The following NLRP1 variants were observed in gnomAD, a reference collection of about 807,000 sequenced individuals.
The protein encoded by NLRP1 is NLR family pyrin domain containing 1, also known as NACHT, LRR and PYD domains-containing protein 1.
NLRP1 carries 94 observed loss-of-function variants against 136.7 expected under a neutral mutation model. That is an observed-to-expected ratio of 0.69 (90% confidence interval 0.58 to 0.82). NLRP1 has a LOEUF of 0.82. Among genes scored for constraint, NLRP1 ranks in the 40% least tolerant of loss-of-function variants. NLRP1 has a pLI of 0.00. For missense variants in NLRP1, 1,575 were observed against 1,802.7 expected, an observed-to-expected ratio of 0.87 and a Z score of 2.29; for synonymous variants, 690 against 725.1, an observed-to-expected ratio of 0.95 and a Z score of 0.78.
chr17:5,501,729 A>G (rs200325551), exon 16 of NLRP1: 2 of 1,086,482 alleles, frequency 1.8e-6, no homozygotes, highest in Non-Finnish European at 2.8e-6. Flanking sequence ...CCCATTTCTC[A>G]GACCCACCTG....
intron 15 of NLRP1, among the ~76,000 whole-genome samples, chr17:5,507,122 G>T (rs1907383657): frequency 6.6e-6 from 1 of 151,964 alleles, no homozygotes; most frequent in South Asian, 2.1e-4. Context: ...TTATTTAATG[G>T]GTACATAATT....
chr17:5,526,926 C>T (rs1305109804), intron 12 of NLRP1, among the ~76,000 whole-genome samples: 1 of 152,232 alleles, frequency 6.6e-6, no homozygotes, highest in African/African-American at 2.4e-5. Flanking sequence ...TGACTCATCA[C>T]CCGTTCAGCG....
At chr17:5,524,434 A>G (rs1010757222) in intron 12 of NLRP1, among the ~76,000 whole-genome samples, 2 of 152,340 alleles carry the variant, frequency 1.3e-5, no homozygotes, top group East Asian at 1.9e-4. Context: ...TCACCATGAT[A>G]AATAGCACCT....
At chr17:5,553,960 A>G (rs1440438038) in intron 4 of NLRP1, among the ~76,000 whole-genome samples, 1 of 151,590 alleles carries the variant, frequency 6.6e-6, no homozygotes, top group African/African-American at 2.4e-5. Flanking sequence ...TGACAATTTT[A>G]ATTTAAAAAA....
intron 15 of NLRP1, among the ~76,000 whole-genome samples, chr17:5,517,374 G>A (rs1264042293): frequency 3.9e-5 from 2 of 50,858 alleles, no homozygotes; most frequent in African/African-American, 1.4e-4. Context: ...CACATACACA[G>A]ACTTTCTTCC....
At chr17:5,566,043 G>A (rs1347239407) in intron 3 of NLRP1, among the ~76,000 whole-genome samples, 1 of 152,014 alleles carries the variant, frequency 6.6e-6, no homozygotes, top group African/African-American at 2.4e-5. Context: ...TTTCATTTCT[G>A]ATTTTATTTA....
At chr17:5,509,750 C>G (rs937404569), downstream of NLRP1, among the ~76,000 whole-genome samples, 10 of 152,104 alleles carry the variant, frequency 6.6e-5, no homozygotes, top group African/African-American at 2.4e-4. Context: ...GGTGATTCAT[C>G]CGTCTCAGCC....
At position 5,553,412 on chromosome 17, in the gene NLRP1, G is replaced by A; in HGVS notation, c.2502C>T (p.Arg834=). Residue 834 remains arginine (R), a synonymous_variant, in exon 5 of 17, where the codon CGC becomes CGT. Coordinates refer to ENST00000572272, the MANE Select transcript of NLRP1 (RefSeq NM_033004.4). ...GCAGGGTCTCCAGGAGGCAGCGAGG[G>A]CGTCTCAGGGTCTTACAAAGACTCT... ...AVKSLCKTLR[R]PRCLLETLRL... 6.2e-7 allele frequency: 1 copy of A among 1,613,686 alleles called. No homozygotes were observed. The highest frequency in any genetic ancestry group is 8.5e-7 in the Non-Finnish European group (1 of 1,179,764).
rs201664446 is a variant in NLRP1 at position 5,583,179 on chromosome 17, A to ACAGCAG, written c.272-339_272-334dup. ...CCCAGGGTGGCTAATAGTAATAATA[A>ACAGCAG]CAGCAGCAGCAGCAGCAGCAACAAC... On this transcript the variant is annotated intron_variant, in intron 1 of 16. Coordinates refer to ENST00000572272, the MANE Select transcript of NLRP1 (RefSeq NM_033004.4). The surrounding 1 kb of genome is among the most constrained non-coding windows in gnomAD (Gnocchi z 4.5). 2.0e-5 allele frequency among the ~76,000 whole-genome samples: 3 copies of ACAGCAG among 152,030 alleles called. No homozygotes were observed. The highest frequency in any genetic ancestry group is 1.3e-4 in the Admixed American group (2 of 15,274).
intron 14 of NLRP1, chr17:5,518,151 TC>T: frequency 6.3e-6 from 2 of 315,466 alleles, no homozygotes; most frequent in South Asian, 5.8e-5. Flanking sequence ...TTCCTTCACC[TC>T]CCCCATCTTG....
chr17:5,539,299 G>C, intron 7 of NLRP1, 116 bp downstream of exon 7: 1 of 907,452 alleles, frequency 1.1e-6, no homozygotes, highest in Non-Finnish European at 1.6e-6. Context: ...AGTGTAAGTG[G>C]TAGAGCTGGT....
Position 5,584,465 on chromosome 17 carries a change from T to C in NLRP1, c.-508A>G. ...TGGCTCCCAGGTTTCTTCAGACCTC[T>C]CCAGGCCCTGGGGCACCAGCCAGCA... On this transcript the variant is annotated 5_prime_UTR_variant, in exon 1 of 17. Transcript: ENST00000572272. 6.3e-6 allele frequency: 1 copy of C among 158,794 alleles called. No homozygotes were observed. Among genetic ancestry groups the C allele is most frequent in the Non-Finnish European group, 1.4e-5 (1 of 71,964 alleles). The allele number at this position is 158,794 out of a possible 1,614,324, so 9.8% of individuals were successfully genotyped here. A position where few individuals can be genotyped will look rare whatever the true frequency, so the allele number is the denominator to read the frequency against.
At position 5,581,876 on chromosome 17, in the gene NLRP1, G is replaced by C; in HGVS notation, c.635C>G (p.Ser212Ter). 1 of 1,612,476 alleles carries C rather than the reference G, an allele frequency of 6.2e-7. No homozygotes were observed. Among genetic ancestry groups the C allele is most frequent in the Non-Finnish European group, 8.5e-7 (1 of 1,179,840 alleles). ...GGTCTCACCTGTGTAGTAAATTCCT[G>C]ACGTTTCATCCAGAGGCCATTGGGT... ...PGTQWPLDET[S>*]GIYYTEIRER... Residue 212 changes from serine to a stop codon, truncating the protein, a stop_gained, in exon 3 of 17, where the codon TCA (serine) becomes TGA (stop). Transcript: ENST00000572272. LOFTEE classifies it high-confidence loss of function.
Position 5,582,785 on chromosome 17 carries a change from G to A in NLRP1, c.333C>T (p.Pro111=), listed in dbSNP as rs770588796. Residue 111 remains proline, a synonymous_variant, in exon 2 of 17, where the codon CCC becomes CCT. Coordinates refer to ENST00000572272, the MANE Select transcript of NLRP1 (RefSeq NM_033004.4). ...SEPHLGSPSQ[P]TSTAVLMPWI... ...AGGGCATTAGCACTGCGGTGGAGGT[G>A]GGTTGGCTGGGAGACCCCAGGTGGG... is the stretch of plus-strand genomic sequence containing the variant. The A allele has an allele frequency of 1.3e-5, 21 of 1,614,012 alleles. 1 individual carries two copies. In the South Asian group the frequency reaches 2.0e-4, roughly 15 times the overall value.
chr17:5,508,135 G>GAAAA lies in NLRP1; in HGVS notation c.4070-6267_4070-6264dup, dbSNP rs58304391. On this transcript the variant is annotated intron_variant, in intron 15 of 15. Transcript: ENST00000262467. ...GGGGACAGAGCGAGACTCGGTCTCA[G>GAAAA]AAAAAAAAAAAAATTAGCTGGGTAT... 2.7e-3 allele frequency among the ~76,000 whole-genome samples: 386 copies of GAAAA among 141,150 alleles called. 2 individuals carry two copies. Among genetic ancestry groups the GAAAA allele is most frequent in the African/African-American group, 9.1e-3 (346 of 38,042 alleles). The allele number at this position is 141,150 out of a possible 152,430, so 92.6% of individuals were successfully genotyped here.
intron 7 of NLRP1, among the ~76,000 whole-genome samples, chr17:5,539,132 A>C (rs1193584243): frequency 6.6e-6 from 1 of 152,120 alleles, no homozygotes; most frequent in Non-Finnish European, 1.5e-5. Context: ...CGGCCTCCCA[A>C]AGTGCTGGGA....
In NLRP1 at chr17:5,530,396, C is replaced by T. The variant is rs866620089; in HGVS notation, c.3520+85G>A. 1.7e-5 allele frequency: 22 copies of T among 1,294,660 alleles called. No individual in the cohort carries two copies. In the African/African-American group the frequency reaches 2.8e-4, roughly 16 times the overall value. 80.2% of individuals were successfully genotyped at this position (1,294,660 alleles called of 1,614,324 possible). On this transcript the variant is annotated intron_variant, in intron 12 of 16. Transcript: ENST00000572272. ...GGCCCCTCTAAGGAAGCCACAACAC[C>T]CTCTCCCAGGAGATTATCATTCTAC...
chr17:5,521,377 G>A, intron 13 of NLRP1, 147 bp downstream of exon 13: 3 of 776,332 alleles, frequency 3.9e-6, no homozygotes, highest in East Asian at 2.6e-5. Context: ...GACTGAGAGG[G>A]GACGAATTGT....
At chr17:5,566,696 T>C (rs1252429805) in intron 3 of NLRP1, among the ~76,000 whole-genome samples, 4 of 152,128 alleles carry the variant, frequency 2.6e-5, no homozygotes, top group Non-Finnish European at 4.4e-5. Flanking sequence ...GTAATGCAGA[T>C]TAAGTTTCAT....
Sources: gnomAD v4.1 joint callset for allele counts (sites outside exome capture counted in the v4.1 genomes callset) on GRCh38, gnomAD v4.1.1 for gene constraint, Gnocchi (gnomAD v3.1) non-coding constraint, MANE v1.5 for transcripts, NCBI Gene and HGNC (gene_info 2026-07-23, HGNC 2026-07-21) for gene names.